The following CCDC148 variants were observed in gnomAD, a reference collection of about 807,000 sequenced individuals.
CCDC148 encodes coiled-coil domain-containing protein 148.
CCDC148 carries 89 observed loss-of-function variants against 85.7 expected under a neutral mutation model. The observed-to-expected ratio is 1.04, with a 90% CI of 0.87 to 1.24. The LOEUF is 1.24. Ranked by LOEUF, CCDC148 falls within the 50% of genes most tolerant of loss-of-function variation. The pLI is 0.00. For synonymous variants in CCDC148, 230 were observed against 213.9 expected (o/e 1.08, Z -0.66); for missense variants, 692 against 671.7 (o/e 1.03, Z -0.33).
At chr2:158,204,354 G>A (rs1346987142) in intron 11 of CCDC148, among the ~76,000 whole-genome samples, 2 of 152,050 alleles carry the variant, frequency 1.3e-5, no homozygotes, top group Non-Finnish European at 2.9e-5. Context: ...ATCTTGATGG[G>A]CCTTATAATT....
chr2:158,404,561 A>G (rs1415535401), intron 1 of CCDC148, among the ~76,000 whole-genome samples: 1 of 152,188 alleles, frequency 6.6e-6, no homozygotes, highest in Non-Finnish European at 1.5e-5. Context: ...TTTTTACAAG[A>G]CTTTAAAATT....
intron 1 of CCDC148, among the ~76,000 whole-genome samples, chr2:158,365,134 A>G (rs1421954913): frequency 6.6e-6 from 1 of 152,318 alleles, no homozygotes; most frequent in Non-Finnish European, 1.5e-5. Context: ...CAGAATAACA[A>G]TCATTAAAAA....
intron 1 of CCDC148, among the ~76,000 whole-genome samples, chr2:158,452,277 G>A (rs2193705): frequency 0.91 from 138,720 of 152,148 alleles, 63,369 homozygotes; most frequent in African/African-American, 0.96. Context: ...GGGGTGAGGG[G>A]GGAAGTTAGG....
At chr2:158,234,003 C>A (rs1687978909) in intron 10 of CCDC148, among the ~76,000 whole-genome samples, 2 of 152,088 alleles carry the variant, frequency 1.3e-5, no homozygotes, top group South Asian at 4.1e-4. Flanking sequence ...TGGTGAAACC[C>A]TGTCTCTACT....
chr2:158,389,063 C>T (rs1161710025), intron 1 of CCDC148, among the ~76,000 whole-genome samples: 4 of 152,154 alleles, frequency 2.6e-5, no homozygotes, highest in East Asian at 1.9e-4. Flanking sequence ...CATAAATCCA[C>T]GGACACAAAA....
At chr2:158,436,588 C>A (rs548461008) in intron 1 of CCDC148, among the ~76,000 whole-genome samples, 2 of 152,116 alleles carry the variant, frequency 1.3e-5, no homozygotes, top group East Asian at 1.9e-4. Context: ...AGAGCAAACA[C>A]ATTCAAAAGC....
intron 9 of CCDC148, among the ~76,000 whole-genome samples, chr2:158,253,371 T>G (rs11889766): frequency 0.035 from 5,240 of 151,746 alleles, 297 homozygotes; most frequent in African/African-American, 0.12. Flanking sequence ...ATTCCTATTC[T>G]TAGCTCATGG....
intron 1 of CCDC148, among the ~76,000 whole-genome samples, chr2:158,428,549 G>A (rs1687179993): frequency 6.6e-6 from 1 of 151,610 alleles, no homozygotes; most frequent in Non-Finnish European, 1.5e-5. Flanking sequence ...TGTAAGAGAG[G>A]GCTAGGCTGG....
intron 7 of CCDC148, among the ~76,000 whole-genome samples, chr2:158,328,540 G>T (rs1209138964): frequency 3.3e-5 from 5 of 152,160 alleles, no homozygotes; most frequent in African/African-American, 7.2e-5. Context: ...GTAATGGGAT[G>T]GCTGGGTCAA....
chr2:158,209,423 T>C (rs1686433835), intron 11 of CCDC148, among the ~76,000 whole-genome samples: 1 of 152,198 alleles, frequency 6.6e-6, no homozygotes, highest in South Asian at 2.1e-4. Flanking sequence ...AAGACATCAA[T>C]ACATCAATAA....
intron 11 of CCDC148, among the ~76,000 whole-genome samples, chr2:158,206,923 C>T (rs752990468): frequency 6.6e-6 from 1 of 152,158 alleles, no homozygotes; most frequent in Non-Finnish European, 1.5e-5. Context: ...ACAGGAGATA[C>T]GGACTGCTCA....
chr2:158,420,615 A>G (rs963650021), intron 1 of CCDC148, among the ~76,000 whole-genome samples: 2 of 152,214 alleles, frequency 1.3e-5, no homozygotes, highest in African/African-American at 4.8e-5. Flanking sequence ...AACAACCAGT[A>G]CCAGCCACTG....
intron 1 of CCDC148, among the ~76,000 whole-genome samples, chr2:158,425,981 T>G (rs773486118): frequency 6.6e-6 from 1 of 152,142 alleles, no homozygotes; most frequent in Non-Finnish European, 1.5e-5. Context: ...TTTGAATTGC[T>G]AATTACTTCT....
intron 2 of CCDC148, among the ~76,000 whole-genome samples, chr2:158,351,428 G>T (rs1287518816): frequency 2.7e-5 from 4 of 150,712 alleles, no homozygotes; most frequent in Non-Finnish European, 4.4e-5. Flanking sequence ...CTTGGGAAGC[G>T]CAAGGGGTCA....
rs528149587 is a variant in CCDC148 at position 158,301,655 on chromosome 2, T to A, written c.1110+7778A>T. Among the ~76,000 whole-genome samples, 6 of 152,302 alleles carry A rather than the reference T, an allele frequency of 3.9e-5. No homozygotes were observed. The East Asian group carries it at 1.2e-3, about 29-fold the overall frequency. On this transcript the variant is annotated intron_variant, in intron 9 of 13. Transcript: ENST00000283233. ...TAAAGTGGGCAGACAATGGGAAATA[T>A]ACAGGAAGACTAAGAACCACTGTAA...
chr2:158,413,932 T>C (rs1686378544), intron 1 of CCDC148, among the ~76,000 whole-genome samples: 1 of 152,132 alleles, frequency 6.6e-6, no homozygotes, highest in Non-Finnish European at 1.5e-5. Context: ...AAAGTAGATA[T>C]ACCAAGAAGA....
intron 9 of CCDC148, among the ~76,000 whole-genome samples, chr2:158,269,384 C>T (rs1174331138): frequency 6.6e-6 from 1 of 152,138 alleles, no homozygotes; most frequent in Non-Finnish European, 1.5e-5. Flanking sequence ...CAACCAGCTG[C>T]TCATAGGTAG....
chr2:158,266,914 A>G (rs1428148276), intron 9 of CCDC148, among the ~76,000 whole-genome samples: 3 of 135,906 alleles, frequency 2.2e-5, no homozygotes, highest in African/African-American at 6.5e-5. Flanking sequence ...ATACACACAC[A>G]TATATACATA....
chr2:158,386,603 G>A (rs1685096629), intron 1 of CCDC148, among the ~76,000 whole-genome samples: 1 of 151,924 alleles, frequency 6.6e-6, no homozygotes, highest in African/African-American at 2.4e-5. Flanking sequence ...TCAACCCAAA[G>A]AGAGATGCTC....
Sources: gnomAD v4.1 joint callset for allele counts (sites outside exome capture counted in the v4.1 genomes callset) on GRCh38, gnomAD v4.1.1 for gene constraint, MANE v1.5 for transcripts, NCBI Gene and HGNC (gene_info 2026-07-23, HGNC 2026-07-21) for gene names.